NCOA1: variants seen among roughly 807,000 people sequenced by gnomAD.
NCOA1 encodes the protein Hin-2 protein.
In NCOA1, 35 loss-of-function variants were observed where a neutral mutation model predicts 150.9. The ratio of observed to expected loss-of-function variants is 0.23; its 90% CI spans 0.18 to 0.31. The LOEUF is 0.31. Ranked by LOEUF, NCOA1 falls within the 10% of genes least tolerant of loss-of-function variation. NCOA1 has a pLI of 1.00. For synonymous variants in NCOA1, 590 were observed against 630.0 expected, an observed-to-expected ratio of 0.94 and a Z score of 0.95; for missense variants, 1,491 against 1,749.3, an observed-to-expected ratio of 0.85 and a Z score of 2.63.
chr2:24,608,246 CT>C (rs1667016237), intron 3 of NCOA1, among the ~76,000 whole-genome samples: 1 of 131,884 alleles, frequency 7.6e-6, no homozygotes, highest in Non-Finnish European at 1.6e-5. Flanking sequence ...CCCAGTTCCC[CT>C]ATTATTATTA....
intron 14 of NCOA1, among the ~76,000 whole-genome samples, chr2:24,716,143 CAA>C (rs35089767): frequency 1.3e-3 from 109 of 85,302 alleles, no homozygotes; most frequent in Middle Eastern, 6.5e-3. Context: ...GACTCCGTCT[CAA>C]AAAAAAAAAA....
Position 24,742,182 on chromosome 2 carries a change from A to G in NCOA1, c.3702A>G (p.Gly1234=). The change falls in exon 19 of 23, where the codon GGA becomes GGG. Residue 1234 remains glycine (G), a synonymous_variant. Transcript: ENST00000348332. The part of the protein sequence containing the change: ...QMQQNVFQYP[G]AGMVPQGEAN... ...AGCAGAATGTCTTCCAGTATCCAGG[A>G]GCAGGTAGGAAGGTCACAACTTTAT... is the stretch of plus-strand genomic sequence containing the variant. The G allele has an allele frequency of 6.2e-7, 1 of 1,608,836 alleles. No homozygotes were observed. The highest frequency in any genetic ancestry group is 8.5e-7 in the Non-Finnish European group (1 of 1,177,136).
At chr2:24,629,817 C>CATATACATATATATATATATATAT (rs1553439184) in intron 3 of NCOA1, among the ~76,000 whole-genome samples, 7 of 79,350 alleles carry the variant, frequency 8.8e-5, no homozygotes, top group African/African-American at 3.1e-4. Context: ...AACATACATA[C>CATATACATATATATATATATATAT]ATATATATAT....
intron 21 of NCOA1, among the ~76,000 whole-genome samples, chr2:24,759,055 G>T (rs1250990790): frequency 6.6e-6 from 1 of 151,464 alleles, no homozygotes; most frequent in Non-Finnish European, 1.5e-5. Flanking sequence ...ATTATATTTT[G>T]AAACATTTTC....
chr2:24,516,300 C>T (rs1438327897), intron 1 of NCOA1, among the ~76,000 whole-genome samples: 1 of 146,068 alleles, frequency 6.8e-6, no homozygotes, highest in Non-Finnish European at 1.5e-5. Flanking sequence ...TCACACCATT[C>T]TCCTGCCTCA....
chr2:24,492,950 G>T (rs1243906311), intron 1 of NCOA1, among the ~76,000 whole-genome samples: 1 of 133,622 alleles, frequency 7.5e-6, no homozygotes, highest in East Asian at 2.2e-4. Context: ...TCTGGAATTG[G>T]TTGGAGGCTA....
chr2:24,743,025 TC>T (rs1483456478), intron 19 of NCOA1, among the ~76,000 whole-genome samples: 1 of 152,228 alleles, frequency 6.6e-6, no homozygotes, highest in Non-Finnish European at 1.5e-5. Context: ...ATTCTCTTTG[TC>T]CTGGGTGATA....
intron 3 of NCOA1, among the ~76,000 whole-genome samples, chr2:24,606,953 G>T (rs1437355097): frequency 1.3e-5 from 2 of 152,124 alleles, no homozygotes; most frequent in Non-Finnish European, 2.9e-5. Flanking sequence ...AATCAGATAA[G>T]GCATTGCCAT....
intron 8 of NCOA1, among the ~76,000 whole-genome samples, chr2:24,690,050 ATTCT>A (rs1211085134): frequency 6.6e-6 from 1 of 152,242 alleles, no homozygotes; most frequent in African/African-American, 2.4e-5. Context: ...ACTTGAAATG[ATTCT>A]TTCTATTAAA....
At chr2:24,629,840 A>G (rs1218108438) in intron 3 of NCOA1, among the ~76,000 whole-genome samples, 2 of 136,680 alleles carry the variant, frequency 1.5e-5, no homozygotes, top group African/African-American at 5.8e-5. Flanking sequence ...ATATATATAT[A>G]TATATATGTA....
chr2:24,705,835 C>T (rs1437794041), intron 12 of NCOA1, among the ~76,000 whole-genome samples: 1 of 152,126 alleles, frequency 6.6e-6, no homozygotes, highest in Non-Finnish European at 1.5e-5. Context: ...ATCTTTTTCT[C>T]ATCTAATGTA....
chr2:24,768,032 T>C lies in NCOA1; in HGVS notation c.4156-189T>C, dbSNP rs891004899. On this transcript the variant is annotated intron_variant, in intron 22 of 22. Coordinates refer to ENST00000348332, the MANE Select transcript of NCOA1 (RefSeq NM_003743.5). The stretch of plus-strand genomic sequence containing the variant: ...TTGATTTTATTTTTAAAGTGTGAAC[T>C]TTCCAGAACCCTGAGCAAAATGAGT... 2.5e-6 allele frequency: 4 copies of C among 1,600,168 alleles called. No individual in the cohort carries two copies. In the African/African-American group the frequency reaches 4.0e-5, roughly 16 times the overall value.
chr2:24,495,771 C>T (rs1029106951), intron 1 of NCOA1, among the ~76,000 whole-genome samples: 2 of 152,168 alleles, frequency 1.3e-5, no homozygotes, highest in Non-Finnish European at 2.9e-5. Context: ...CTTCCAGATA[C>T]TTAGGTTGAT....
rs1249730961 is a variant in NCOA1, at chr2:24,706,588, C to T, written c.1118C>T (p.Pro373Leu). 1 of 1,612,166 alleles carries T rather than the reference C, an allele frequency of 6.2e-7. No individual in the cohort carries two copies. Among genetic ancestry groups the T allele is most frequent in the South Asian group, 1.1e-5 (1 of 90,950 alleles). Residue 373 changes from proline (P) to leucine (L), a missense_variant, in exon 13 of 23, where the codon CCT becomes CTT. Pro to Leu is a moderately conservative substitution (Grantham distance 98). Coordinates refer to ENST00000348332, the MANE Select transcript of NCOA1 (RefSeq NM_003743.5). ...IIDREHSGLSPQDDTNSGMSI... is the reference protein window; with the variant it reads ...IIDREHSGLSLQDDTNSGMSI... The stretch of plus-strand genomic sequence containing the variant: ...CCTAGGGAGCACAGTGGGCTTTCTC[C>T]TCAAGATGACACTAATTCTGGAATG...
intron 17 of NCOA1, among the ~76,000 whole-genome samples, chr2:24,738,760 C>A (rs1264367987): frequency 6.6e-6 from 1 of 152,184 alleles, no homozygotes; most frequent in African/African-American, 2.4e-5. Context: ...GTTTTCCCAG[C>A]ACATCTATTA....
chr2:24,511,725 T>G (rs1371527625), intron 1 of NCOA1, among the ~76,000 whole-genome samples: 1 of 152,212 alleles, frequency 6.6e-6, no homozygotes, highest in Non-Finnish European at 1.5e-5. Flanking sequence ...TTTCTAATTT[T>G]GATAAGTCCA....
intron 3 of NCOA1, among the ~76,000 whole-genome samples, chr2:24,613,204 T>C (rs934579628): frequency 6.6e-6 from 1 of 152,202 alleles, no homozygotes; most frequent in African/African-American, 2.4e-5. Flanking sequence ...AGATTTTATA[T>C]TGGGCTGTAG....
chr2:24,695,733 T>C (rs1042169130), intron 10 of NCOA1, among the ~76,000 whole-genome samples: 1 of 152,222 alleles, frequency 6.6e-6, no homozygotes, highest in South Asian at 2.1e-4. Flanking sequence ...TTGGTTAAAC[T>C]TTCCTGTAGT....
chr2:24,514,786 GAAAA>G (rs1229271967), intron 1 of NCOA1, among the ~76,000 whole-genome samples: 1 of 151,364 alleles, frequency 6.6e-6, no homozygotes, highest in Non-Finnish European at 1.5e-5. Context: ...AAAAAAACAA[GAAAA>G]AAAAGTAAAC....
Sources: allele counts gnomAD v4.1 joint callset (sites outside exome capture counted in the v4.1 genomes callset), GRCh38; gene constraint gnomAD v4.1.1; transcripts MANE v1.5; gene names NCBI Gene and HGNC (gene_info 2026-07-23, HGNC 2026-07-21).